SEPTIN7: variants seen among roughly 807,000 people sequenced by gnomAD.
SEPTIN7 encodes the protein septin-7.
A neutral mutation model predicts 63.3 loss-of-function variants in SEPTIN7; 10 were observed. The observed-to-expected ratio is 0.16, with a 90% CI of 0.10 to 0.27. SEPTIN7 has a LOEUF of 0.27. Among genes scored for constraint, SEPTIN7 ranks in the 10% least tolerant of loss-of-function variants. The pLI is 1.00. For synonymous variants in SEPTIN7, 131 were observed against 165.3 expected, an observed-to-expected ratio of 0.79 and a Z score of 1.59; for missense variants, 310 against 521.0, an observed-to-expected ratio of 0.59 and a Z score of 3.94.
chr7:35,823,033 C>A (rs915504173), intron 1 of SEPTIN7, among the ~76,000 whole-genome samples: 4 of 152,012 alleles, frequency 2.6e-5, no homozygotes, highest in African/African-American at 9.7e-5. Context: ...TCTGTCTCAT[C>A]TGAGAGCCAT....
chr7:35,852,106 T>G (rs1784991259), intron 3 of SEPTIN7, among the ~76,000 whole-genome samples: 1 of 152,198 alleles, frequency 6.6e-6, no homozygotes, highest in African/African-American at 2.4e-5. Flanking sequence ...TAAAATACAT[T>G]TCATTGCAAC....
intron 12 of SEPTIN7, chr7:35,900,031 C>T (rs1256998515): frequency 2.0e-5 from 3 of 152,084 alleles, no homozygotes; most frequent in Non-Finnish European, 4.4e-5. Context: ...TCAGATCTCT[C>T]GTTATATTCT....
chr7:35,860,657 A>T (rs1449124126), intron 3 of SEPTIN7, among the ~76,000 whole-genome samples: 1 of 152,192 alleles, frequency 6.6e-6, no homozygotes, highest in Non-Finnish European at 1.5e-5. Context: ...GTAGCACTTT[A>T]AATGTATCAT....
At chr7:35,847,187 G>A (rs1469370090) in intron 3 of SEPTIN7, 1 of 158,132 alleles carries the variant, frequency 6.3e-6, no homozygotes, top group Non-Finnish European at 1.4e-5. Context: ...CGTGCAGTGT[G>A]AAGCTCACCT....
chr7:35,885,124 C>A (rs1787148902), intron 9 of SEPTIN7, among the ~76,000 whole-genome samples: 1 of 152,064 alleles, frequency 6.6e-6, no homozygotes, highest in South Asian at 2.1e-4. Context: ...CATCACGTCA[C>A]TATAAGCACA....
chr7:35,815,572 C>A (rs1452150545), intron 1 of SEPTIN7, among the ~76,000 whole-genome samples: 3 of 152,146 alleles, frequency 2.0e-5, no homozygotes, highest in Admixed American at 6.5e-5. Context: ...ATAGATGTAA[C>A]TTCAGAACTA....
chr7:35,880,223 C>CTTTTCTTTTTTTT (rs1786768910), intron 7 of SEPTIN7, among the ~76,000 whole-genome samples: 1 of 72,776 alleles, frequency 1.4e-5, no homozygotes, highest in Non-Finnish European at 2.6e-5. Context: ...TTTTTCTTTT[C>CTTTTCTTTTTTTT]TTTTTTTTTT....
rs377556327 is a variant in SEPTIN7, at chr7:35,830,046, TGTG to T, written c.62-1441_62-1439del. On this transcript the variant is annotated intron_variant, in intron 1 of 13. Transcript: ENST00000350320. ...ACTAAAAATACAAAAATTAGCCGGG[TGTG>T]GTGGCACATGCCTGTAATCCCAGCT... Among the ~76,000 whole-genome samples the T allele has an allele frequency of 1.5e-3, 224 of 151,670 alleles. 1 individual carries two copies. The highest frequency in any genetic ancestry group is 4.9e-3 in the African/African-American group (203 of 41,386).
At chr7:35,803,048 A>G (rs1224305997) in intron 1 of SEPTIN7, 1 of 431,798 alleles carries the variant, frequency 2.3e-6, no homozygotes, top group Non-Finnish European at 3.1e-6. Context: ...TTAGGCTTAC[A>G]GAATTCAAAT....
At chr7:35,899,750 GGCC>G (rs1788196819) in intron 12 of SEPTIN7, 2 of 152,120 alleles carry the variant, frequency 1.3e-5, no homozygotes, top group African/African-American at 4.8e-5. Flanking sequence ...TGGGCATGAT[GGCC>G]TGCACCTATG....
At chr7:35,914,997 C>CATATAATGTATGTGTACAT in the SEPTIN7 span, among the ~76,000 whole-genome samples, 1 of 151,782 alleles carries the variant, frequency 6.6e-6, no homozygotes, top group African/African-American at 2.4e-5. Context: ...CGTGTGTACA[C>CATATAATGTATGTGTACAT]ATATAATGTA....
At chr7:35,801,586 C>T (rs1787978043) in intron 1 of SEPTIN7, among the ~76,000 whole-genome samples, 1 of 152,122 alleles carries the variant, frequency 6.6e-6, no homozygotes, top group Non-Finnish European at 1.5e-5. Context: ...GTGGTCTCAG[C>T]CCTGCCCTTG....
At chr7:35,820,186 C>T (rs1334837363) in intron 1 of SEPTIN7, among the ~76,000 whole-genome samples, 1 of 152,082 alleles carries the variant, frequency 6.6e-6, no homozygotes, top group East Asian at 1.9e-4. Flanking sequence ...TCATAAGCTG[C>T]TTTCAAGATT....
chr7:35,806,095 A>G (rs757910023), intron 1 of SEPTIN7, among the ~76,000 whole-genome samples: 4 of 152,042 alleles, frequency 2.6e-5, no homozygotes, highest in African/African-American at 4.8e-5. Context: ...GACATTGCCA[A>G]ATGTCACGTG....
At chr7:35,896,956 T>G (rs1787992006) in intron 11 of SEPTIN7, among the ~76,000 whole-genome samples, 1 of 152,228 alleles carries the variant, frequency 6.6e-6, no homozygotes. Context: ...GTTTCTAACA[T>G]TTTCTATCTA....
intron 3 of SEPTIN7, among the ~76,000 whole-genome samples, chr7:35,849,188 A>G (rs1229457518): frequency 6.6e-6 from 1 of 152,226 alleles, no homozygotes. Flanking sequence ...ATTGTCTTAT[A>G]GTAAATTCCA....
the SEPTIN7 span, among the ~76,000 whole-genome samples, chr7:35,914,952 G>A: frequency 1.3e-5 from 2 of 151,800 alleles, no homozygotes; most frequent in African/African-American, 4.8e-5. Context: ...ACGTATCCAT[G>A]CATACCTACA....
chr7:35,859,463 G>T (rs1235657552), intron 3 of SEPTIN7, among the ~76,000 whole-genome samples: 5 of 152,126 alleles, frequency 3.3e-5, no homozygotes, highest in Admixed American at 3.3e-4. Context: ...TGTGTAGACT[G>T]CTGTTGTTGG....
intron 11 of SEPTIN7, 90 bp downstream of exon 11, chr7:35,890,883 CAGT>C (rs1583635535): frequency 3.4e-6 from 4 of 1,170,610 alleles, no homozygotes; most frequent in Non-Finnish European, 4.4e-6. Context: ...TCTGGCTACT[CAGT>C]AGAAAATTTG....
Sources: gnomAD v4.1 joint callset for allele counts (sites outside exome capture counted in the v4.1 genomes callset) on GRCh38, gnomAD v4.1.1 for gene constraint, MANE v1.5 for transcripts, NCBI Gene and HGNC (gene_info 2026-07-23, HGNC 2026-07-21) for gene names.